The following SCUBE1 variants were observed in gnomAD, a reference collection of about 807,000 sequenced individuals.
SCUBE1 encodes signal peptide, CUB and EGF-like domain-containing protein 1.
Under a neutral mutation model 124.4 loss-of-function variants are expected in SCUBE1, and 59 were observed. That is an observed-to-expected ratio of 0.47 (90% confidence interval 0.38 to 0.59). SCUBE1 has a LOEUF of 0.59. Ranked by LOEUF, SCUBE1 falls within the 20% of genes least tolerant of loss-of-function variation. The probability of loss-of-function intolerance (pLI) is 0.00; values close to 1 mark genes in which losing one functional copy is unlikely to be tolerated. For synonymous variants in SCUBE1, 545 were observed against 550.9 expected (o/e 0.99, Z 0.15); for missense variants, 1,150 against 1,371.2 (o/e 0.84, Z 2.55).
intron 3 of SCUBE1, among the ~76,000 whole-genome samples, chr22:43,304,031 G>A (rs114909559): frequency 0.011 from 1,624 of 152,290 alleles, 36 homozygotes; most frequent in African/African-American, 0.038. Context: ...AAACTCCCCC[G>A]TGAAGGACGC....
rs1922682774 is a variant in SCUBE1, at chr22:43,234,567, T to TG, written c.845-2693dup. On this transcript the variant is annotated intron_variant, in intron 7 of 21. Transcript: ENST00000360835. The surrounding 1 kb of genome is among the most constrained non-coding windows in gnomAD (Gnocchi z 4.4). ...GCCCGGGCTGGTGTAGCTGGCTGCC[T>TG]GGGGGTCAGGATGGAGGGAAGCCCC... Among the ~76,000 whole-genome samples, 1 of 152,144 alleles carries TG rather than the reference T, an allele frequency of 6.6e-6. No individual in the cohort carries two copies. Among genetic ancestry groups the TG allele is most frequent in the Admixed American group, 6.5e-5 (1 of 15,280 alleles).
At chr22:43,327,183 C>T (rs1926754646) in intron 2 of SCUBE1, among the ~76,000 whole-genome samples, 1 of 152,160 alleles carries the variant, frequency 6.6e-6, no homozygotes, top group Non-Finnish European at 1.5e-5. Context: ...GCCCTGAGAG[C>T]TGGGTACCAC....
intron 10 of SCUBE1, among the ~76,000 whole-genome samples, chr22:43,225,835 G>A (rs1379455713): frequency 6.6e-6 from 1 of 151,968 alleles, no homozygotes; most frequent in Non-Finnish European, 1.5e-5. Flanking sequence ...AATGAACAAC[G>A]CTTTCCTGCA....
intron 3 of SCUBE1, among the ~76,000 whole-genome samples, chr22:43,304,131 C>G (rs1356368207): frequency 6.6e-6 from 1 of 152,208 alleles, no homozygotes; most frequent in Non-Finnish European, 1.5e-5. Context: ...CGACTGTGAG[C>G]TTTTGTTTCT....
chr22:43,251,027 T>G (rs1031523041), intron 6 of SCUBE1, among the ~76,000 whole-genome samples: 1 of 152,094 alleles, frequency 6.6e-6, no homozygotes, highest in Non-Finnish European at 1.5e-5. Flanking sequence ...ATCTGTGAAG[T>G]GGGGATAGCT....
At chr22:43,249,898 C>G (rs1923373088) in intron 6 of SCUBE1, among the ~76,000 whole-genome samples, 1 of 152,166 alleles carries the variant, frequency 6.6e-6, no homozygotes, top group African/African-American at 2.4e-5. Context: ...GGGACTCCAC[C>G]TGGCCCTGCC....
At chr22:43,307,046 C>A (rs1195231651) in intron 3 of SCUBE1, among the ~76,000 whole-genome samples, 1 of 152,256 alleles carries the variant, frequency 6.6e-6, no homozygotes, top group African/African-American at 2.4e-5. Flanking sequence ...TGCCACCCGC[C>A]CATCCTCCAC....
intron 8 of SCUBE1, among the ~76,000 whole-genome samples, chr22:43,230,641 C>G (rs1051715896): frequency 6.6e-6 from 1 of 152,218 alleles, no homozygotes; most frequent in Non-Finnish European, 1.5e-5. Context: ...AGGGCCTGGA[C>G]AGACACTGTG....
At chr22:43,236,996 G>T (rs1406422660) in intron 7 of SCUBE1, among the ~76,000 whole-genome samples, 1 of 152,032 alleles carries the variant, frequency 6.6e-6, no homozygotes, top group Non-Finnish European at 1.5e-5. Context: ...TCTGAGTGCA[G>T]CCACAGGCCC....
intron 6 of SCUBE1, among the ~76,000 whole-genome samples, chr22:43,243,299 C>T (rs909563338): frequency 6.6e-6 from 1 of 152,202 alleles, no homozygotes; most frequent in African/African-American, 2.4e-5. Context: ...GTGGGGAGAG[C>T]GCTCACCCTG....
intron 7 of SCUBE1, chr22:43,237,909 G>A (rs1022596466): frequency 2.6e-5 from 4 of 152,322 alleles, no homozygotes; most frequent in African/African-American, 9.7e-5. Flanking sequence ...GAGTGATGCT[G>A]GGGGCACTGA....
Position 43,308,056 on chromosome 22 carries a change from G to A in SCUBE1, c.349+11881C>T, listed in dbSNP as rs140796524. ...AGGCTGTCAAAGGCCACTCCACCCC[G>A]AAACACACAAAGGTCTGAACCAGTC... On this transcript the variant is annotated intron_variant, in intron 3 of 21. Transcript: ENST00000360835. Among the ~76,000 whole-genome samples the A allele has an allele frequency of 3.7e-3, 486 of 133,084 alleles. 6 individuals are homozygous for A. The highest frequency in any genetic ancestry group is 0.012 in the African/African-American group (457 of 37,594). 87.3% of individuals were successfully genotyped at this position (133,084 alleles called of 152,430 possible). A position where few individuals can be genotyped will look rare whatever the true frequency, so the allele number is the denominator to read the frequency against.
At chr22:43,207,419 C>T in intron 21 of SCUBE1, 115 bp downstream of exon 21, 3 of 792,182 alleles carry the variant, frequency 3.8e-6, no homozygotes, top group South Asian at 2.9e-5. Context: ...CCTCTCCCAT[C>T]ACCACCCACC....
chr22:43,277,713 T>C (rs920366003), intron 4 of SCUBE1, among the ~76,000 whole-genome samples: 4 of 152,276 alleles, frequency 2.6e-5, no homozygotes, highest in African/African-American at 9.6e-5. Context: ...TGTCAGAGTC[T>C]ATGCACTATG....
chr22:43,281,530 C>CCTCCCTCTTTGGCCACCCTCCTGTCAT lies in SCUBE1; in HGVS notation c.484+9515_484+9516insATGACAGGAGGGTGGCCAAAGAGGGAG, dbSNP rs1569010998. Among the ~76,000 whole-genome samples, 32 of 81,828 alleles carry CCTCCCTCTTTGGCCACCCTCCTGTCAT rather than the reference C, an allele frequency of 3.9e-4. 6 individuals are homozygous for CCTCCCTCTTTGGCCACCCTCCTGTCAT. The East Asian group carries it at 0.03, about 77-fold the overall frequency. 53.7% of individuals were successfully genotyped at this position (81,828 alleles called of 152,430 possible). A position where few individuals can be genotyped will look rare whatever the true frequency, so the allele number is the denominator to read the frequency against. ...CTCCTCCTCAGCCACCCTCCTGTCA[C>CCTCCCTCTTTGGCCACCCTCCTGTCAT]CTCCCTCAGTCACCCTCCTGTCACC... On this transcript the variant is annotated intron_variant, in intron 4 of 21. Coordinates refer to ENST00000360835, the MANE Select transcript of SCUBE1 (RefSeq NM_173050.5).
rs374091395 is a variant in SCUBE1, at chr22:43,260,827, G to T, written c.610+1893C>A. Among the ~76,000 whole-genome samples the T allele has an allele frequency of 3.6e-3, 552 of 152,280 alleles. 8 individuals are homozygous for T. Among genetic ancestry groups the T allele is most frequent in the Non-Finnish European group, 6.6e-3 (449 of 67,984 alleles). ...CGGGGGCAGCTGGGGTGAGGGTTGT[G>T]GGGGGTGTCCTAGCTGCTCACAGGG... On this transcript the variant is annotated intron_variant, in intron 5 of 21. Transcript: ENST00000360835.
chr22:43,251,620 C>T (rs371227263), intron 6 of SCUBE1, among the ~76,000 whole-genome samples: 6 of 152,046 alleles, frequency 3.9e-5, no homozygotes, highest in South Asian at 2.1e-4. Flanking sequence ...GAAGGGACCG[C>T]GGGACAAGGA....
chr22:43,231,820 G>C lies in SCUBE1; in HGVS notation c.900C>G (p.Thr300=). The change falls in exon 8 of 22, where the codon ACC becomes ACG. Residue 300 remains threonine, a synonymous_variant. Coordinates refer to ENST00000360835, the MANE Select transcript of SCUBE1 (RefSeq NM_173050.5). Reference sequence around the variant, plus strand: ...GGCAGCCGCACTCGAAGCTGCCCACGGTGTTGCGGCAGAAGTGGTCGCAGC... The same window carrying C: ...GGCAGCCGCACTCGAAGCTGCCCACCGTGTTGCGGCAGAAGTGGTCGCAGC... The part of the protein sequence containing the change: ...NGGCDHFCRN[T]VGSFECGCRK... 6.2e-7 allele frequency: 1 copy of C among 1,613,420 alleles called. No individual in the cohort carries two copies. Among genetic ancestry groups the C allele is most frequent in the Non-Finnish European group, 8.5e-7 (1 of 1,179,854 alleles).
chr22:43,255,338 A>G lies in SCUBE1; in HGVS notation c.727+2881T>C. 2 of 724,004 alleles carry G rather than the reference A, an allele frequency of 2.8e-6. No individual in the cohort carries two copies. Among genetic ancestry groups the G allele is most frequent in the Non-Finnish European group, 4.8e-6 (2 of 416,010 alleles). The allele number at this position is 724,004 out of a possible 1,614,324, so 44.8% of individuals were successfully genotyped here. On this transcript the variant is annotated intron_variant, in intron 6 of 21. Coordinates refer to ENST00000360835, the MANE Select transcript of SCUBE1 (RefSeq NM_173050.5). This position sits in a 1 kb window ranked among gnomAD's most constrained non-coding sequence, Gnocchi z 4.7. ...CTGCACACACGTGGGCACACCCCACAACACAGACATATGCCCCCACACGCA... is the reference window on the plus strand; with the variant it reads ...CTGCACACACGTGGGCACACCCCACGACACAGACATATGCCCCCACACGCA...
Sources: allele counts gnomAD v4.1 joint callset (sites outside exome capture counted in the v4.1 genomes callset), GRCh38; gene constraint gnomAD v4.1.1; non-coding constraint Gnocchi (gnomAD v3.1); transcripts MANE v1.5; gene names NCBI Gene and HGNC (gene_info 2026-07-23, HGNC 2026-07-21).